The following DOK5 variants were observed in gnomAD, a reference collection of about 807,000 sequenced individuals.
The protein encoded by DOK5 is downstream of tyrosine kinase 5.
In DOK5, 27 loss-of-function variants were observed where a neutral mutation model predicts 43.3. The ratio of observed to expected loss-of-function variants is 0.62; its 90% CI spans 0.46 to 0.86. The LOEUF (loss-of-function observed/expected upper bound fraction) is 0.86. Ranked by LOEUF, DOK5 falls within the 40% of genes least tolerant of loss-of-function variation. DOK5 has a pLI of 0.00. For synonymous variants in DOK5, 146 were observed against 140.1 expected, an observed-to-expected ratio of 1.04 and a Z score of -0.30; for missense variants, 373 against 392.9, an observed-to-expected ratio of 0.95 and a Z score of 0.43.
intron 6 of DOK5, among the ~76,000 whole-genome samples, chr20:54,640,327 G>C (rs867746354): frequency 6.6e-6 from 1 of 152,186 alleles, no homozygotes; most frequent in South Asian, 2.1e-4. Flanking sequence ...AGTGCTAACT[G>C]CTATTTCCAC....
chr20:54,649,909 C>T (rs927209578), intron 7 of DOK5, among the ~76,000 whole-genome samples: 3 of 152,120 alleles, frequency 2.0e-5, no homozygotes, highest in African/African-American at 7.2e-5. Flanking sequence ...ATTAATATGT[C>T]ACAAAGGGGG....
rs1055964090 is a variant in DOK5 at position 54,647,520 on chromosome 20, A to C, written c.857-2895A>C. Among the ~76,000 whole-genome samples, 4 of 151,754 alleles carry C rather than the reference A, an allele frequency of 2.6e-5. No homozygotes were observed. The East Asian group carries it at 7.7e-4, about 29-fold the overall frequency. ...AACTCTGTCTCAGTTAAAAAAAAAAAAAACAAAAAAACTATGGAAGAAACT... is the reference window on the plus strand; with the variant it reads ...AACTCTGTCTCAGTTAAAAAAAAAACAAACAAAAAAACTATGGAAGAAACT... On this transcript the variant is annotated intron_variant, in intron 7 of 7. Coordinates refer to ENST00000262593, the MANE Select transcript of DOK5 (RefSeq NM_018431.5).
Position 54,588,401 on chromosome 20 carries a change from A to G in DOK5, c.175-82A>G, listed in dbSNP as rs565565601. 92 of 1,140,822 alleles carry G rather than the reference A, an allele frequency of 8.1e-5. 1 individual carries two copies. In the African/African-American group the frequency reaches 1.2e-3, roughly 15 times the overall value. 70.7% of individuals were successfully genotyped at this position (1,140,822 alleles called of 1,614,324 possible). A position where few individuals can be genotyped will look rare whatever the true frequency, so the allele number is the denominator to read the frequency against. On this transcript the variant is annotated intron_variant, in intron 2 of 7. Transcript: ENST00000262593. Reference sequence around the variant, plus strand: ...TGCTCAGCTGTGCTGTGCCATACTGATTTCCGGGCCTCACCTTTGGTGTTG... The same window carrying G: ...TGCTCAGCTGTGCTGTGCCATACTGGTTTCCGGGCCTCACCTTTGGTGTTG...
intron 6 of DOK5, among the ~76,000 whole-genome samples, chr20:54,613,471 T>C (rs1487040943): frequency 6.6e-6 from 1 of 152,176 alleles, no homozygotes; most frequent in East Asian, 1.9e-4. Context: ...AAGAACATAG[T>C]AAGTCATCCC....
intron 1 of DOK5, among the ~76,000 whole-genome samples, chr20:54,514,623 A>G (rs1422730567): frequency 1.5e-5 from 2 of 135,248 alleles, no homozygotes; most frequent in East Asian, 2.0e-4. Context: ...CAGAAAGGCA[A>G]TCAGGGGAGA....
chr20:54,488,207 A>G (rs1982018763), intron 1 of DOK5, among the ~76,000 whole-genome samples: 1 of 152,214 alleles, frequency 6.6e-6, no homozygotes, highest in African/African-American at 2.4e-5. Context: ...AACGTAGTCT[A>G]GTCTTCAGCA....
intron 1 of DOK5, among the ~76,000 whole-genome samples, chr20:54,512,033 C>T (rs1260847053): frequency 1.3e-5 from 2 of 152,088 alleles, no homozygotes; most frequent in African/African-American, 4.8e-5. Context: ...CTACCTTATA[C>T]ACACCAACAG....
intron 1 of DOK5, among the ~76,000 whole-genome samples, chr20:54,496,765 CAAAAA>C (rs74179280): frequency 0.019 from 1,120 of 59,486 alleles, 7 homozygotes; most frequent in Non-Finnish European, 0.033. Context: ...GACTCCGTCT[CAAAAA>C]AAAAAAAAAA....
intron 2 of DOK5, among the ~76,000 whole-genome samples, chr20:54,578,026 G>C (rs1204680148): frequency 6.6e-6 from 1 of 152,162 alleles, no homozygotes; most frequent in Non-Finnish European, 1.5e-5. Context: ...CCTTTGGTTT[G>C]ATTTACATAT....
At chr20:54,600,610 C>T (rs1029102153) in intron 5 of DOK5, among the ~76,000 whole-genome samples, 3 of 152,144 alleles carry the variant, frequency 2.0e-5, no homozygotes, top group Non-Finnish European at 2.9e-5. Flanking sequence ...TTCCTCCTGC[C>T]TGCATGTGAC....
At chr20:54,538,650 C>G (rs73911939) in intron 1 of DOK5, among the ~76,000 whole-genome samples, 22 of 152,032 alleles carry the variant, frequency 1.4e-4, no homozygotes, top group Non-Finnish European at 2.6e-4. Flanking sequence ...ATGTTTCTAA[C>G]TGGATATAGA....
At chr20:54,513,467 A>C (rs1314390242) in intron 1 of DOK5, among the ~76,000 whole-genome samples, 4 of 147,642 alleles carry the variant, frequency 2.7e-5, no homozygotes, top group Non-Finnish European at 4.5e-5. Context: ...CTGAGCAAAA[A>C]AAAAAAAAAA....
intron 2 of DOK5, among the ~76,000 whole-genome samples, chr20:54,586,489 A>C (rs774695532): frequency 1.1e-4 from 16 of 152,190 alleles, no homozygotes; most frequent in South Asian, 2.1e-4. Flanking sequence ...ATAATTATTG[A>C]GTTCTCAATA....
chr20:54,563,664 G>GTTTTTTTTTT (rs76886127), intron 2 of DOK5, among the ~76,000 whole-genome samples: 1 of 114,352 alleles, frequency 8.7e-6, no homozygotes, highest in African/African-American at 3.4e-5. Context: ...TATTTGTCAG[G>GTTTTTTTTTT]TTTTTTTTTT....
intron 5 of DOK5, among the ~76,000 whole-genome samples, chr20:54,607,755 T>TGCCTGTAGTCCCAGCTACTCA (rs1408992654): frequency 2.0e-5 from 3 of 151,922 alleles, no homozygotes; most frequent in Admixed American, 2.0e-4. Context: ...TGGTGGCACA[T>TGCCTGTAGTCCCAGCTACTCA]GCCTGTAGTC....
chr20:54,492,336 C>T lies in DOK5; in HGVS notation c.66+16324C>T, dbSNP rs145312929. Among the ~76,000 whole-genome samples the T allele has an allele frequency of 1.6e-3, 250 of 152,238 alleles. 1 individual carries two copies. The highest frequency in any genetic ancestry group is 3.4e-3 in the Middle Eastern group (1 of 294). On this transcript the variant is annotated intron_variant, in intron 1 of 7. Transcript: ENST00000262593. ...TTTACACACATGGGTTCATATTATACAATCCTATTATATACTTTGTCCCTT... is the reference window on the plus strand; with the variant it reads ...TTTACACACATGGGTTCATATTATATAATCCTATTATATACTTTGTCCCTT...
intron 2 of DOK5, among the ~76,000 whole-genome samples, chr20:54,555,987 C>T (rs530684294): frequency 5.9e-5 from 9 of 152,240 alleles, no homozygotes; most frequent in African/African-American, 2.2e-4. Context: ...CTTTTCGACA[C>T]CTTATAAAGG....
intron 2 of DOK5, among the ~76,000 whole-genome samples, chr20:54,574,111 C>A (rs907939475): frequency 6.6e-6 from 1 of 152,132 alleles, no homozygotes; most frequent in East Asian, 1.9e-4. Context: ...GACCGCCTTC[C>A]CCATCTGCTG....
At chr20:54,522,471 G>A (rs1301012006) in intron 1 of DOK5, among the ~76,000 whole-genome samples, 1 of 152,020 alleles carries the variant, frequency 6.6e-6, no homozygotes. Context: ...GAGGGTCGGA[G>A]ACAGAGAAGG....
Sources: gnomAD v4.1 joint callset for allele counts (sites outside exome capture counted in the v4.1 genomes callset) on GRCh38, gnomAD v4.1.1 for gene constraint, MANE v1.5 for transcripts, NCBI Gene and HGNC (gene_info 2026-07-23, HGNC 2026-07-21) for gene names.